RSRC2: variants seen among roughly 807,000 people sequenced by gnomAD.
The protein encoded by RSRC2 is arginine and serine rich coiled-coil 2.
RSRC2 carries 5 observed loss-of-function variants against 61.3 expected under a neutral mutation model. The observed-to-expected ratio is 0.08, with a 90% CI of 0.04 to 0.17. RSRC2 has a LOEUF of 0.17. RSRC2 is among the 10% of genes least tolerant of loss of function. The pLI, the probability that RSRC2 is intolerant of heterozygous loss-of-function variation, is 1.00. For missense variants in RSRC2, 381 were observed against 518.8 expected, an observed-to-expected ratio of 0.73 and a Z score of 2.58; for synonymous variants, 202 against 166.5, an observed-to-expected ratio of 1.21 and a Z score of -1.64.
At position 122,515,179 on chromosome 12, in the gene RSRC2, T is replaced by G; in HGVS notation, c.651A>C (p.Leu217Phe). ...AGGGAGGTGGACTTGGAGTCCGGCT[T>G]AAACTTCTGCTAAATCTTCTCGGCT... Reference protein sequence around the residue: ...IEKPRRFSRSLSRTPSPPPFR... With the variant: ...IEKPRRFSRSFSRTPSPPPFR... Residue 217 changes from leucine to phenylalanine, a missense_variant, in exon 6 of 10, where the codon TTA (leucine) becomes TTC (phenylalanine). By Grantham distance (22) the Leu-to-Phe change is conservative. Transcript: ENST00000331738. The G allele has an allele frequency of 6.2e-7, 1 of 1,614,154 alleles. No individual in the cohort carries two copies. Among genetic ancestry groups the G allele is most frequent in the Non-Finnish European group, 8.5e-7 (1 of 1,179,984 alleles).
At chr12:122,515,758 G>C (rs552509504) in intron 5 of RSRC2, among the ~76,000 whole-genome samples, 1 of 152,192 alleles carries the variant, frequency 6.6e-6, no homozygotes, top group Admixed American at 6.5e-5. Flanking sequence ...GGGAAGCTCA[G>C]GCGGACAGAT....
At chr12:122,524,085 C>A (rs1434872626) in intron 1 of RSRC2, among the ~76,000 whole-genome samples, 1 of 152,146 alleles carries the variant, frequency 6.6e-6, no homozygotes, top group Admixed American at 6.6e-5. Context: ...AAGGTTTTCA[C>A]CCCTTAGAAT....
rs947103441 is a variant in RSRC2, at chr12:122,508,083, A to G, written c.1035+135T>C. On this transcript the variant is annotated intron_variant, in intron 8 of 9. Transcript: ENST00000331738. ...ATCCCAAAGTGCTGGGATTAAAGGC[A>G]TAAGCCACCCGCGTCTGGCCACCCC... 8 of 785,862 alleles carry G rather than the reference A, an allele frequency of 1.0e-5. No individual in the cohort carries two copies. In the South Asian group the frequency reaches 1.0e-4, roughly 10 times the overall value. 48.7% of individuals were successfully genotyped at this position (785,862 alleles called of 1,614,324 possible).
At chr12:122,514,748 A>G (rs1474011219) in intron 6 of RSRC2, 2 of 1,140,694 alleles carry the variant, frequency 1.8e-6, no homozygotes. Flanking sequence ...GGAGAAAAAC[A>G]AAAAGTAAAG....
intron 1 of RSRC2, among the ~76,000 whole-genome samples, chr12:122,524,014 T>C (rs921227628): frequency 1.3e-5 from 2 of 152,210 alleles, no homozygotes; most frequent in African/African-American, 4.8e-5. Flanking sequence ...GCCAGCATAT[T>C]GTATATGTAC....
At chr12:122,510,439 G>C (rs543282137) in intron 7 of RSRC2, among the ~76,000 whole-genome samples, 147 of 152,262 alleles carry the variant, frequency 9.7e-4, no homozygotes, top group Non-Finnish European at 1.8e-3. Context: ...CTGAGGCGGA[G>C]AATCGCTTAA....
In RSRC2 at chr12:122,508,412, C is replaced by G; in HGVS notation, c.841G>C (p.Ala281Pro). Residue 281 changes from alanine (A) to proline (P), a missense_variant, in exon 8 of 10, where the codon GCC (alanine) becomes CCC (proline). Transcript: ENST00000331738. ...ATGGSVLNVA[A>P]LLASGTQVTP... ...ACTTGTGTTCCTGATGCCAACAGGG[C>G]AGCAACATTGAGAACAGAACCTCCA... 1 of 1,614,060 alleles carries G rather than the reference C, an allele frequency of 6.2e-7. No individual in the cohort carries two copies. The highest frequency in any genetic ancestry group is 8.5e-7 in the Non-Finnish European group (1 of 1,179,996).
At chr12:122,512,726 C>CA (rs575681568) in intron 6 of RSRC2, among the ~76,000 whole-genome samples, 972 of 83,126 alleles carry the variant, frequency 0.012, 6 homozygotes, top group East Asian at 0.037. Flanking sequence ...GACTTCATCT[C>CA]AAAAAAAAAA....
chr12:122,524,228 T>G (rs967169712), intron 1 of RSRC2, among the ~76,000 whole-genome samples: 4 of 152,230 alleles, frequency 2.6e-5, no homozygotes, highest in Non-Finnish European at 4.4e-5. Context: ...TGATTCTGAT[T>G]TTTCACAATG....
intron 3 of RSRC2, chr12:122,520,119 T>C (rs770307327): frequency 7.5e-5 from 15 of 198,704 alleles, no homozygotes; most frequent in Non-Finnish European, 1.3e-4. Context: ...CAAAAGGCCA[T>C]AGCATGTTTC....
At chr12:122,506,985 C>A in intron 8 of RSRC2, 62 bp from the exon 9 acceptor site, 1 of 885,376 alleles carries the variant, frequency 1.1e-6, no homozygotes, top group South Asian at 1.4e-5. Flanking sequence ...GACATGAAAT[C>A]TCTCAACAAT....
chr12:122,509,462 A>G (rs1331178625), intron 7 of RSRC2, among the ~76,000 whole-genome samples: 1 of 150,600 alleles, frequency 6.6e-6, no homozygotes, highest in Non-Finnish European at 1.5e-5. Context: ...AAAAAAAAAC[A>G]AAAACAAAAA....
At chr12:122,520,698 T>C in intron 3 of RSRC2, 1 of 593,992 alleles carries the variant, frequency 1.7e-6, no homozygotes, top group South Asian at 1.5e-5. Context: ...AGAGGTGAAG[T>C]CCCTGCCCAC....
chr12:122,511,208 G>C lies in RSRC2; in HGVS notation c.726-20C>G, dbSNP rs1288974835. 4 of 1,550,314 alleles carry C rather than the reference G, an allele frequency of 2.6e-6. No individual in the cohort carries two copies. Among genetic ancestry groups the C allele is most frequent in the Non-Finnish European group, 3.5e-6 (4 of 1,130,110 alleles). On this transcript the variant is annotated intron_variant, in intron 6 of 9. Transcript: ENST00000331738. ...TCCAACCTGCAAAATTAATTTCAAT[G>C]AATTTAAAATAACACAATATAAAAC...
rs546304007 is a variant in RSRC2 at position 122,518,201 on chromosome 12, T to G, written c.398+638A>C. Among the ~76,000 whole-genome samples the G allele has an allele frequency of 1.1e-4, 17 of 152,090 alleles. No homozygotes were observed. In the South Asian group the frequency reaches 3.3e-3, roughly 30 times the overall value. On this transcript the variant is annotated intron_variant, in intron 4 of 9. Transcript: ENST00000331738. ...TGTGGTCTCAGCTGCTTGGGAGGCT[T>G]GAGGTCAGATCACTTGAGCCCTGGA...
At chr12:122,508,661 T>C (rs191720877) in intron 7 of RSRC2, among the ~76,000 whole-genome samples, 197 of 152,304 alleles carry the variant, frequency 1.3e-3, no homozygotes, top group African/African-American at 4.4e-3. Flanking sequence ...ACCCTTGATA[T>C]ATAAACCATT....
At chr12:122,520,878 G>A (rs1045981757) in intron 3 of RSRC2, 8 of 251,056 alleles carry the variant, frequency 3.2e-5, no homozygotes, top group Admixed American at 1.6e-4. Flanking sequence ...TGGTGTCACC[G>A]CCACCTTTTC....
At position 122,505,533 on chromosome 12, in the gene RSRC2, T is replaced by G. The variant is rs1232631829; in HGVS notation, c.1299A>C (p.Ala433=). The change falls in exon 10 of 10, where the codon GCA becomes GCC. Residue 433 remains alanine (A), a synonymous_variant. Coordinates refer to ENST00000331738, the MANE Select transcript of RSRC2 (RefSeq NM_023012.6). The stretch of plus-strand genomic sequence containing the variant: ...TTTACAAGTGTGATCATTTTCAAAC[T>G]GCATCCATTCCTCGCATTGAAGATG... ...GFTSSMRGMD[A]V The G allele has an allele frequency of 6.2e-7, 1 of 1,613,380 alleles. No individual in the cohort carries two copies. The highest frequency in any genetic ancestry group is 8.5e-7 in the Non-Finnish European group (1 of 1,179,572).
chr12:122,517,004 T>C (rs150157461), intron 5 of RSRC2, among the ~76,000 whole-genome samples: 38 of 152,308 alleles, frequency 2.5e-4, no homozygotes, highest in Non-Finnish European at 5.0e-4. Context: ...AATAGGCCTA[T>C]TCATACCTGC....
Sources: gnomAD v4.1 joint callset for allele counts (sites outside exome capture counted in the v4.1 genomes callset) on GRCh38, gnomAD v4.1.1 for gene constraint, MANE v1.5 for transcripts, NCBI Gene and HGNC (gene_info 2026-07-23, HGNC 2026-07-21) for gene names.